Variants in NRG3 observed in about 807,000 individuals in gnomAD.
The protein encoded by NRG3 is pro-neuregulin-3, membrane-bound isoform.
NRG3 carries 31 observed loss-of-function variants against 66.9 expected under a neutral mutation model. The observed-to-expected ratio is 0.46, with a 90% CI of 0.35 to 0.63. The LOEUF (loss-of-function observed/expected upper bound fraction) is 0.63, where lower values mean the gene tolerates loss of function less well. NRG3 is among the 20% of genes least tolerant of loss of function. The probability of loss-of-function intolerance (pLI) is 0.00; values close to 1 mark genes in which losing one functional copy is unlikely to be tolerated. For synonymous variants in NRG3, 393 were observed against 359.4 expected (o/e 1.09, Z -1.06); for missense variants, 910 against 878.9 (o/e 1.04, Z -0.45).
chr10:82,144,528 CT>C, intron 1 of NRG3, among the ~76,000 whole-genome samples: 1 of 152,150 alleles, frequency 6.6e-6, no homozygotes, highest in East Asian at 1.9e-4. Context: ...CTTGGGTAAC[CT>C]TTAGTTAAAA....
At chr10:82,308,874 T>A (rs1305344874) in intron 1 of NRG3, among the ~76,000 whole-genome samples, 1 of 152,130 alleles carries the variant, frequency 6.6e-6, no homozygotes, top group Non-Finnish European at 1.5e-5. Flanking sequence ...CTCCACCTGA[T>A]ATAGTGAAAG....
intron 2 of NRG3, among the ~76,000 whole-genome samples, chr10:82,595,503 G>A (rs904737619): frequency 3.9e-5 from 6 of 151,990 alleles, no homozygotes; most frequent in African/African-American, 1.2e-4. Context: ...AAATAGGTTG[G>A]GGCCAGGCGC....
At chr10:82,618,971 C>T (rs1387050437) in intron 2 of NRG3, among the ~76,000 whole-genome samples, 1 of 150,118 alleles carries the variant, frequency 6.7e-6, no homozygotes, top group African/African-American at 2.5e-5. Flanking sequence ...TGATTTCTAC[C>T]AGGATAAAGG....
chr10:82,179,016 C>T (rs2073231054), intron 1 of NRG3, among the ~76,000 whole-genome samples: 1 of 151,838 alleles, frequency 6.6e-6, no homozygotes. Context: ...TTTTCATATA[C>T]CTATTGGCAT....
At chr10:82,873,399 T>A (rs2136001488) in intron 4 of NRG3, among the ~76,000 whole-genome samples, 1 of 150,088 alleles carries the variant, frequency 6.7e-6, no homozygotes, top group South Asian at 2.1e-4. Flanking sequence ...ATGTTTGAAA[T>A]TTCCTTAACA....
intron 2 of NRG3, among the ~76,000 whole-genome samples, chr10:82,469,185 C>T (rs1840988337): frequency 6.6e-6 from 1 of 152,156 alleles, no homozygotes; most frequent in African/African-American, 2.4e-5. Context: ...TTTATTGCCT[C>T]CTTCATTCTT....
intron 2 of NRG3, among the ~76,000 whole-genome samples, chr10:82,714,190 A>G (rs188231650): frequency 7.2e-5 from 11 of 152,370 alleles, no homozygotes; most frequent in Non-Finnish European, 1.2e-4. Context: ...CTAAATCTAC[A>G]TAATTAACAT....
chr10:82,265,732 G>A (rs914282827), intron 1 of NRG3, among the ~76,000 whole-genome samples: 6 of 152,144 alleles, frequency 3.9e-5, no homozygotes, highest in African/African-American at 1.4e-4. Flanking sequence ...TAAAATCAAT[G>A]CCAGATGCCA....
intron 2 of NRG3, among the ~76,000 whole-genome samples, chr10:82,436,574 C>T (rs2090152687): frequency 6.6e-6 from 1 of 152,146 alleles, no homozygotes; most frequent in African/African-American, 2.4e-5. Context: ...TTGATCCTGT[C>T]ATCATGCTGC....
intron 4 of NRG3, among the ~76,000 whole-genome samples, chr10:82,882,253 G>C (rs1423957159): frequency 6.6e-6 from 1 of 152,110 alleles, no homozygotes; most frequent in African/African-American, 2.4e-5. Context: ...GTTTATGTCT[G>C]TCTTACCCCA....
chr10:82,438,776 G>A (rs1191257972), intron 2 of NRG3, among the ~76,000 whole-genome samples: 1 of 152,112 alleles, frequency 6.6e-6, no homozygotes, highest in Non-Finnish European at 1.5e-5. Flanking sequence ...GGGGGGAGGG[G>A]GTTCTTCTTT....
intron 2 of NRG3, among the ~76,000 whole-genome samples, chr10:82,375,312 C>T (rs1012700119): frequency 3.9e-5 from 6 of 152,088 alleles, no homozygotes; most frequent in South Asian, 2.1e-4. Context: ...CCGAGGCGGG[C>T]GGATCACGAG....
chr10:82,312,149 G>T (rs1257384921), intron 1 of NRG3, among the ~76,000 whole-genome samples: 2 of 152,120 alleles, frequency 1.3e-5, no homozygotes, highest in South Asian at 2.1e-4. Flanking sequence ...CCTAAGCAAG[G>T]GTATTTTCTT....
chr10:82,775,559 A>G (rs193299809), intron 3 of NRG3, among the ~76,000 whole-genome samples: 7 of 152,180 alleles, frequency 4.6e-5, no homozygotes, highest in African/African-American at 1.7e-4. Context: ...CCATGTGCAC[A>G]AGAGAAGAAT....
chr10:82,475,041 T>G (rs1464969382), intron 2 of NRG3, among the ~76,000 whole-genome samples: 1 of 150,966 alleles, frequency 6.6e-6, no homozygotes, highest in African/African-American at 2.4e-5. Flanking sequence ...CAGCCTAGCT[T>G]TATACTTTAA....
At chr10:82,178,094 A>G (rs1053214792) in intron 1 of NRG3, among the ~76,000 whole-genome samples, 9 of 152,186 alleles carry the variant, frequency 5.9e-5, no homozygotes, top group African/African-American at 1.9e-4. Flanking sequence ...AAAATATTTT[A>G]TTGGTTAATG....
At chr10:82,167,804 CATAA>C (rs2072213530) in intron 1 of NRG3, among the ~76,000 whole-genome samples, 1 of 152,020 alleles carries the variant, frequency 6.6e-6, no homozygotes, top group Non-Finnish European at 1.5e-5. Context: ...ACTCCAAATA[CATAA>C]AGATTATTGA....
chr10:82,310,992 C>A (rs1465064548), intron 1 of NRG3, among the ~76,000 whole-genome samples: 2 of 151,994 alleles, frequency 1.3e-5, no homozygotes. Flanking sequence ...CTTTCCAGCT[C>A]CTCCCCTGAT....
chr10:82,839,885 T>C (rs549908908), intron 3 of NRG3, among the ~76,000 whole-genome samples: 8 of 152,246 alleles, frequency 5.3e-5, no homozygotes, highest in African/African-American at 1.9e-4. Flanking sequence ...TTTATATCTA[T>C]CTATAGGTAT....
Sources: gnomAD v4.1 joint callset for allele counts (sites outside exome capture counted in the v4.1 genomes callset) on GRCh38, gnomAD v4.1.1 for gene constraint, MANE v1.5 for transcripts, NCBI Gene and HGNC (gene_info 2026-07-23, HGNC 2026-07-21) for gene names.